The following ZFHX3 variants were observed in gnomAD, a reference collection of about 807,000 sequenced individuals.
The protein encoded by ZFHX3 is zinc finger homeobox protein 3.
ZFHX3 carries 42 observed loss-of-function variants against 279.1 expected under a neutral mutation model. The ratio of observed to expected loss-of-function variants is 0.15; its 90% CI spans 0.12 to 0.19. ZFHX3 has a LOEUF of 0.19. ZFHX3 is among the 10% of genes least tolerant of loss of function. The pLI is 1.00. For synonymous variants in ZFHX3, 2,293 were observed against 1,957.8 expected, an observed-to-expected ratio of 1.17 and a Z score of -4.52; for missense variants, 4,981 against 4,754.0, an observed-to-expected ratio of 1.05 and a Z score of -1.40.
chr16:73,585,608 A>G (rs1386089338), intron 2 of ZFHX3, among the ~76,000 whole-genome samples: 4 of 152,228 alleles, frequency 2.6e-5, no homozygotes, highest in Non-Finnish European at 4.4e-5. Flanking sequence ...CTTAAAACAA[A>G]AACAAAACAA....
At chr16:73,009,433 GCAT>G (rs1229866237) in intron 1 of ZFHX3, among the ~76,000 whole-genome samples, 1 of 151,740 alleles carries the variant, frequency 6.6e-6, no homozygotes, top group Admixed American at 6.6e-5. Flanking sequence ...ACTCTTGGGA[GCAT>G]TATTAGTGAG....
chr16:73,300,742 G>A (rs1277364237), intron 4 of ZFHX3, among the ~76,000 whole-genome samples: 4 of 152,186 alleles, frequency 2.6e-5, no homozygotes, highest in African/African-American at 9.7e-5. Context: ...GACCTCAAGC[G>A]ATCTGCCCAC....
intron 1 of ZFHX3, among the ~76,000 whole-genome samples, chr16:73,741,211 T>G (rs986168282): frequency 1.3e-5 from 2 of 152,014 alleles, no homozygotes; most frequent in African/African-American, 4.8e-5. Context: ...TTGTAAAAAA[T>G]GGGCCACCTT....
rs774845273 is a variant in ZFHX3 at position 72,959,681 on chromosome 16, G to A, written c.465C>T (p.Gly155=). Residue 155 remains glycine, a synonymous_variant, in exon 2 of 10, where the codon GGC becomes GGT. Coordinates refer to ENST00000268489, the MANE Select transcript of ZFHX3 (RefSeq NM_006885.4). ...CACTGCCACTGCCACTCCCACAGGC[G>A]CCCCCGCCCTGGGTCAGCTGGCTCA... is the stretch of plus-strand genomic sequence containing the variant. ...ESLSQLTQGG[G]ACGSGSGSGP... 31 of 1,613,752 alleles carry A rather than the reference G, an allele frequency of 1.9e-5. No individual in the cohort carries two copies. The highest frequency in any genetic ancestry group is 7.7e-5 in the South Asian group (7 of 91,086).
At chr16:73,801,309 C>T (rs981034180) in intron 1 of ZFHX3, among the ~76,000 whole-genome samples, 1 of 152,074 alleles carries the variant, frequency 6.6e-6, no homozygotes, top group Admixed American at 6.6e-5. Flanking sequence ...TTTATTGAGC[C>T]CCTAACACAG....
intron 5 of ZFHX3, among the ~76,000 whole-genome samples, chr16:73,148,394 G>A (rs980876439): frequency 1.3e-5 from 2 of 152,232 alleles, no homozygotes; most frequent in East Asian, 3.9e-4. Context: ...ATAATCTATG[G>A]TTGGTAGAAA....
chr16:73,667,527 T>C (rs1458013222), intron 2 of ZFHX3, among the ~76,000 whole-genome samples: 1 of 152,224 alleles, frequency 6.6e-6, no homozygotes, highest in African/African-American at 2.4e-5. Context: ...TACCATTTTG[T>C]ATTCCACCAG....
At chr16:72,906,828 C>A (rs1182412764) in intron 3 of ZFHX3, among the ~76,000 whole-genome samples, 1 of 151,992 alleles carries the variant, frequency 6.6e-6, no homozygotes, top group Non-Finnish European at 1.5e-5. Context: ...AAACTAATGA[C>A]TGGGAAAATT....
chr16:73,675,645 C>T (rs1028988568), intron 2 of ZFHX3, among the ~76,000 whole-genome samples: 2 of 151,988 alleles, frequency 1.3e-5, no homozygotes, highest in Non-Finnish European at 2.9e-5. Flanking sequence ...AAGTGAATAA[C>T]TTAAGCTAAA....
intron 1 of ZFHX3, among the ~76,000 whole-genome samples, chr16:73,701,830 G>T (rs1290308169): frequency 6.6e-6 from 1 of 151,514 alleles, no homozygotes; most frequent in African/African-American, 2.4e-5. Flanking sequence ...TTATTCAAAA[G>T]ATAATGTTGC....
Position 73,270,044 on chromosome 16 carries a change from G to A in ZFHX3, c.-1193-12908C>T, listed in dbSNP as rs117826818. ...ATTACAGGTACGAGCCACCATGTCCGGCCTGCCCATATATTTTTCAACTTG... is the reference window on the plus strand; with the variant it reads ...ATTACAGGTACGAGCCACCATGTCCAGCCTGCCCATATATTTTTCAACTTG... On this transcript the variant is annotated intron_variant, in intron 4 of 17. Coordinates refer to the ZFHX3 transcript ENST00000641206. 1.6e-3 allele frequency among the ~76,000 whole-genome samples: 247 copies of A among 152,166 alleles called. 4 individuals are homozygous for A. Among genetic ancestry groups the A allele is most frequent in the Admixed American group, 8.0e-3 (122 of 15,280 alleles).
intron 3 of ZFHX3, among the ~76,000 whole-genome samples, chr16:73,419,915 T>TG (rs1199302711): frequency 6.6e-6 from 1 of 151,888 alleles, no homozygotes; most frequent in Non-Finnish European, 1.5e-5. Flanking sequence ...ATAATTTTTT[T>TG]TTTTTTCTGG....
At chr16:73,834,912 C>CA (rs1351302079) in intron 1 of ZFHX3, among the ~76,000 whole-genome samples, 1 of 151,952 alleles carries the variant, frequency 6.6e-6, no homozygotes, top group African/African-American at 2.4e-5. Context: ...GCGTCTCCCC[C>CA]CGTGGGGTCT....
At chr16:73,047,430 G>C (rs1367351026) in intron 1 of ZFHX3, among the ~76,000 whole-genome samples, 1 of 152,148 alleles carries the variant, frequency 6.6e-6, no homozygotes, top group African/African-American at 2.4e-5. Context: ...TTTTTAGGCG[G>C]AGGCACCCAA....
chr16:72,863,298 T>C (rs1407186468), intron 4 of ZFHX3, among the ~76,000 whole-genome samples: 2 of 130,152 alleles, frequency 1.5e-5, no homozygotes, highest in African/African-American at 6.2e-5. Context: ...AGCTCAGGAA[T>C]TCAAGACCAA....
intron 5 of ZFHX3, among the ~76,000 whole-genome samples, chr16:72,814,801 C>T (rs1229411512): frequency 6.6e-6 from 1 of 152,198 alleles, no homozygotes; most frequent in Non-Finnish European, 1.5e-5. Flanking sequence ...GCACAAACTT[C>T]AGGTTCATCT....
At chr16:73,214,868 T>C (rs943860381) in intron 5 of ZFHX3, among the ~76,000 whole-genome samples, 2 of 145,572 alleles carry the variant, frequency 1.4e-5, no homozygotes, top group Admixed American at 6.8e-5. Flanking sequence ...TTTTTTTTTT[T>C]CTGTTGTTCA....
At chr16:73,359,387 G>C (rs554010486) in intron 3 of ZFHX3, among the ~76,000 whole-genome samples, 22 of 152,240 alleles carry the variant, frequency 1.4e-4, no homozygotes, top group African/African-American at 5.3e-4. Context: ...GTGAGTACTG[G>C]GGGAAAATGA....
chr16:73,822,798 T>C (rs980304157), intron 1 of ZFHX3, among the ~76,000 whole-genome samples: 1 of 152,244 alleles, frequency 6.6e-6, no homozygotes, highest in African/African-American at 2.4e-5. Flanking sequence ...CATGTCACTT[T>C]TAGATACTGA....
Sources: gnomAD v4.1 joint callset for allele counts (sites outside exome capture counted in the v4.1 genomes callset) on GRCh38, gnomAD v4.1.1 for gene constraint, MANE v1.5 for transcripts, NCBI Gene and HGNC (gene_info 2026-07-23, HGNC 2026-07-21) for gene names.